Variants in DUSP15 observed in about 807,000 individuals in gnomAD.
The protein encoded by DUSP15 is dual specificity phosphatase 15.
A neutral mutation model predicts 26.3 loss-of-function variants in DUSP15; 23 were observed. That is an observed-to-expected ratio of 0.87 (90% confidence interval 0.63 to 1.24). The LOEUF is 1.24. Ranked by LOEUF, DUSP15 falls within the 50% of genes most tolerant of loss-of-function variation. DUSP15 has a pLI of 0.00. For missense variants in DUSP15, 364 were observed against 320.6 expected, an observed-to-expected ratio of 1.14 and a Z score of -1.03; for synonymous variants, 143 against 135.5, an observed-to-expected ratio of 1.06 and a Z score of -0.39.
chr20:31,867,635 T>G (rs913779876), intron 2 of DUSP15, among the ~76,000 whole-genome samples: 1 of 21,320 alleles, frequency 4.7e-5, no homozygotes, highest in South Asian at 1.4e-3. Flanking sequence ...CACAATGTTT[T>G]TTTTTTTTTT....
chr20:31,865,082 C>T (rs2062738496), intron 3 of DUSP15, 80 bp from the exon 4 acceptor site: 5 of 1,510,864 alleles, frequency 3.3e-6, no homozygotes, highest in Middle Eastern at 1.8e-4. Flanking sequence ...CCAGGCAGGG[C>T]ATAACCCCAG....
At chr20:31,845,822 C>A (rs566529242), downstream of DUSP15, among the ~76,000 whole-genome samples, 1 of 152,088 alleles carries the variant, frequency 6.6e-6, no homozygotes, top group Non-Finnish European at 1.5e-5. Context: ...CCTCAGCCCA[C>A]GTGTGCTGGG....
intron 4 of DUSP15, among the ~76,000 whole-genome samples, 194 bp downstream of exon 4, chr20:31,864,759 G>A (rs8124961): frequency 0.086 from 13,131 of 152,228 alleles, 747 homozygotes; most frequent in African/African-American, 0.15. Flanking sequence ...TGAGGCTCGG[G>A]GAGGTGGAGA....
chr20:31,848,753 C>T, intron 9 of DUSP15: 1 of 1,554,792 alleles, frequency 6.4e-7, no homozygotes, highest in Non-Finnish European at 8.7e-7. Context: ...GAAGGGCTGT[C>T]TGGAGGGGAC....
intron 6 of DUSP15, among the ~76,000 whole-genome samples, chr20:31,853,556 A>G (rs1483106096): frequency 1.3e-5 from 2 of 151,906 alleles, no homozygotes; most frequent in Non-Finnish European, 2.9e-5. Context: ...GTGTGGTAGT[A>G]CATGCCTGTA....
In DUSP15 at chr20:31,863,931, T is replaced by C. The variant is rs374738070; in HGVS notation, c.239A>G (p.Asn80Ser). The change falls in exon 5 of 7, where the codon AAT becomes AGT. Residue 80 changes from asparagine (N) to serine (S), a missense_variant. Coordinates refer to ENST00000339738, the MANE Select transcript of DUSP15 (RefSeq NM_080611.5). ...CCAGTGCACAAGGCAGTTCCCCCCA[T>C]TAAGGCGGCAGCAGTGGATGAAGTT... ...CINFIHCCRL[N>S]GGNCLVHCFA... is the part of the protein sequence containing the mutation. The C allele has an allele frequency of 1.3e-4, 208 of 1,581,000 alleles. No individual in the cohort carries two copies. Among genetic ancestry groups the C allele is most frequent in the Non-Finnish European group, 1.7e-4 (192 of 1,159,988 alleles).
At chr20:31,856,754 A>G (rs1600450733), downstream of DUSP15, among the ~76,000 whole-genome samples, 1 of 152,042 alleles carries the variant, frequency 6.6e-6, no homozygotes, top group Non-Finnish European at 1.5e-5. Context: ...TCAGAGGAAG[A>G]CCCACAGCCA....
At chr20:31,859,299 TG>T (rs11477044), downstream of DUSP15, among the ~76,000 whole-genome samples, 69,828 of 139,828 alleles carry the variant, frequency 0.5, 16,890 homozygotes, top group East Asian at 0.72. Context: ...TGCATTTTTT[TG>T]GGGGGGGGGG....
chr20:31,859,916 A>T (rs1600457599), downstream of DUSP15, among the ~76,000 whole-genome samples: 1 of 152,176 alleles, frequency 6.6e-6, no homozygotes, highest in Non-Finnish European at 1.5e-5. Flanking sequence ...ACCCTAACTC[A>T]TGATGGTAGG....
downstream of DUSP15, among the ~76,000 whole-genome samples, chr20:31,859,271 A>G (rs2062608112): frequency 2.1e-5 from 3 of 142,036 alleles, no homozygotes; most frequent in South Asian, 7.5e-4. Flanking sequence ...CTAAAAGTGA[A>G]TGTAAATTTC....
At chr20:31,848,276 T>C (rs1459362858) in exon 10 of DUSP15, 2 of 1,091,664 alleles carry the variant, frequency 1.8e-6, no homozygotes, top group Middle Eastern at 2.7e-4. Context: ...GACAGAGGAG[T>C]GGAAGGCCGC....
chr20:31,848,565 C>T (rs1173879687), exon 10 of DUSP15: 25 of 1,566,910 alleles, frequency 1.6e-5, no homozygotes, highest in Admixed American at 4.0e-5. Context: ...TGCACCTGCA[C>T]CTGCGGGGGC....
chr20:31,855,305 G>A (rs576524513), intron 6 of DUSP15, among the ~76,000 whole-genome samples: 2 of 152,110 alleles, frequency 1.3e-5, no homozygotes, highest in African/African-American at 2.4e-5. Flanking sequence ...GCCATTCTGC[G>A]CACATCCATG....
At position 31,862,726 on chromosome 20, in the gene DUSP15, G is replaced by A. The variant is rs374490251; in HGVS notation, c.280C>T (p.Arg94Cys). 6.8e-6 allele frequency: 11 copies of A among 1,607,660 alleles called. No homozygotes were observed. The highest frequency in any genetic ancestry group is 2.2e-5 in the South Asian group (2 of 90,672). Residue 94 changes from arginine (R) to cysteine (C), a missense_variant, in exon 6 of 7, where the codon CGC (arginine) becomes TGC (cysteine). Coordinates refer to ENST00000339738, the MANE Select transcript of DUSP15 (RefSeq NM_080611.5). ...CLVHCFAGISRSTTIVTAYVM... is the reference protein window; with the variant it reads ...CLVHCFAGISCSTTIVTAYVM... ...TACGCTGTCACAATCGTGGTGCTGC[G>A]AGAGATGCCTGCAAAGCTGGGATCC... is the stretch of plus-strand genomic sequence containing the variant.
downstream of DUSP15, among the ~76,000 whole-genome samples, chr20:31,857,885 G>C (rs1344582565): frequency 6.6e-6 from 1 of 152,214 alleles, no homozygotes; most frequent in Non-Finnish European, 1.5e-5. Context: ...GTGGGAGGCT[G>C]ACAGAATTCC....
downstream of DUSP15, among the ~76,000 whole-genome samples, chr20:31,859,339 G>A (rs1325057920): frequency 1.3e-5 from 2 of 151,964 alleles, no homozygotes; most frequent in African/African-American, 4.8e-5. Context: ...ATTGTCAAAG[G>A]AGATGTGGGA....
upstream of DUSP15, chr20:31,870,604 G>C (rs747978098): frequency 1.5e-5 from 20 of 1,378,896 alleles, no homozygotes; most frequent in South Asian, 3.2e-4. The surrounding 1 kb of genome is among the most constrained non-coding windows in gnomAD (Gnocchi z 6.6). Context: ...CCCCCGCCTC[G>C]GGTCGCGGCG....
In DUSP15 at chr20:31,861,506, G is replaced by A. The variant is rs773978994; in HGVS notation, c.605C>T (p.Pro202Leu). ...ASEGTVQRLV[P>L]RTPREAHRPL... is the part of the protein sequence containing the mutation. ...CCGGTGGGCTTCCCGGGGCGTGCGC[G>A]GCACCAGGCGCTGCACGGTTCCCTC... is the stretch of plus-strand genomic sequence containing the variant. The change falls in exon 7 of 7, where the codon CCG (proline) becomes CTG (leucine). Residue 202 changes from proline to leucine, a missense_variant. Physicochemically the swap from Pro to Leu is moderately conservative, Grantham distance 98. Coordinates refer to ENST00000339738, the MANE Select transcript of DUSP15 (RefSeq NM_080611.5). The A allele has an allele frequency of 3.6e-5, 55 of 1,528,608 alleles. No homozygotes were observed. The Admixed American group carries it at 9.2e-4, about 26-fold the overall frequency. 94.7% of individuals were successfully genotyped at this position (1,528,608 alleles called of 1,614,324 possible).
At chr20:31,860,221 G>T (rs2062622048), downstream of DUSP15, among the ~76,000 whole-genome samples, 1 of 152,222 alleles carries the variant, frequency 6.6e-6, no homozygotes, top group Admixed American at 6.5e-5. Context: ...GGTGGCAGCT[G>T]AAGGTTATTT....
Sources: gnomAD v4.1 joint callset for allele counts (sites outside exome capture counted in the v4.1 genomes callset) on GRCh38, gnomAD v4.1.1 for gene constraint, Gnocchi (gnomAD v3.1) non-coding constraint, MANE v1.5 for transcripts, NCBI Gene and HGNC (gene_info 2026-07-23, HGNC 2026-07-21) for gene names.